Variants in FNBP1 observed in about 807,000 individuals in gnomAD.
FNBP1 encodes formin-binding protein 1.
A neutral mutation model predicts 90.6 loss-of-function variants in FNBP1; 26 were observed. The ratio of observed to expected loss-of-function variants is 0.29; its 90% CI spans 0.21 to 0.40. The LOEUF (loss-of-function observed/expected upper bound fraction) is 0.40. Ranked by LOEUF, FNBP1 falls within the 10% of genes least tolerant of loss-of-function variation. FNBP1 has a pLI of 1.00. For missense variants in FNBP1, 635 were observed against 768.0 expected (o/e 0.83, Z 2.05); for synonymous variants, 260 against 265.2 (o/e 0.98, Z 0.19).
intron 11 of FNBP1, among the ~76,000 whole-genome samples, chr9:129,911,492 T>G (rs1351747898): frequency 6.6e-6 from 1 of 152,180 alleles, no homozygotes; most frequent in Non-Finnish European, 1.5e-5. Flanking sequence ...TGAAGTCTCA[T>G]AAAAGGCCCA....
At chr9:129,940,988 A>G (rs1424030731) in intron 6 of FNBP1, among the ~76,000 whole-genome samples, 1 of 152,198 alleles carries the variant, frequency 6.6e-6, no homozygotes, top group African/African-American at 2.4e-5. Flanking sequence ...TAAAAATAAA[A>G]AGTCTGTGCT....
chr9:130,049,869 G>A, the FNBP1 span, among the ~76,000 whole-genome samples: 3 of 151,790 alleles, frequency 2.0e-5, no homozygotes, highest in African/African-American at 7.3e-5. Context: ...CTTTTTTTGT[G>A]TGTGTTTTGT....
At chr9:129,943,336 T>G (rs2044625218) in intron 6 of FNBP1, among the ~76,000 whole-genome samples, 1 of 152,008 alleles carries the variant, frequency 6.6e-6, no homozygotes, top group South Asian at 2.1e-4. Flanking sequence ...TTTTTATAAT[T>G]TTTTTTCCTT....
intron 1 of FNBP1, among the ~76,000 whole-genome samples, chr9:130,037,448 A>G (rs2059419651): frequency 6.6e-6 from 1 of 152,190 alleles, no homozygotes; most frequent in African/African-American, 2.4e-5. Flanking sequence ...AGAAGAGGTA[A>G]TAATTATCCA....
rs570793659 is a variant in FNBP1 at position 129,916,045 on chromosome 9, AAAC to A, written c.1171-68_1171-66del. On this transcript the variant is annotated intron_variant, in intron 10 of 16. Coordinates refer to ENST00000446176, the MANE Select transcript of FNBP1 (RefSeq NM_015033.3). ...GAAAGAGAGAGAGAAAGAGAAAAAA[AAAC>A]AACAACACATCAGAAGAAGAGGAAC... is the stretch of plus-strand genomic sequence containing the variant. 8.1e-5 allele frequency: 95 copies of A among 1,175,830 alleles called. 1 individual carries two copies. In the African/African-American group the frequency reaches 8.8e-4, roughly 11 times the overall value. The allele number at this position is 1,175,830 out of a possible 1,614,324, so 72.8% of individuals were successfully genotyped here.
At chr9:129,906,774 C>T (rs1276664088) in intron 12 of FNBP1, among the ~76,000 whole-genome samples, 1 of 152,012 alleles carries the variant, frequency 6.6e-6, no homozygotes, top group Non-Finnish European at 1.5e-5. Flanking sequence ...GTCTTCTATA[C>T]TAACTTTGAG....
chr9:129,916,914 A>G (rs1462938736), intron 10 of FNBP1, among the ~76,000 whole-genome samples: 1 of 152,054 alleles, frequency 6.6e-6, no homozygotes, highest in Non-Finnish European at 1.5e-5. Context: ...CCCACCCGAG[A>G]AGTGTGTGCC....
intron 2 of FNBP1, among the ~76,000 whole-genome samples, chr9:129,982,449 C>T (rs2051411836): frequency 1.3e-5 from 2 of 151,260 alleles, no homozygotes; most frequent in African/African-American, 2.4e-5. Flanking sequence ...CCAGCCTGGG[C>T]AACAGAGCGA....
intron 1 of FNBP1, among the ~76,000 whole-genome samples, chr9:130,033,832 C>A: frequency 8.0e-6 from 1 of 124,984 alleles, no homozygotes; most frequent in African/African-American, 3.1e-5. Context: ...GTAACCCCGC[C>A]TCTACTAAAA....
chr9:129,926,431 T>G (rs1353544135), intron 8 of FNBP1, among the ~76,000 whole-genome samples: 1 of 152,168 alleles, frequency 6.6e-6, no homozygotes, highest in Non-Finnish European at 1.5e-5. Context: ...GCTTTTGCCC[T>G]CCCAGAGGAC....
chr9:129,998,927 AC>A (rs2054420596), intron 1 of FNBP1, among the ~76,000 whole-genome samples: 7 of 152,108 alleles, frequency 4.6e-5, no homozygotes, highest in Admixed American at 4.6e-4. Context: ...AATAATAAAA[AC>A]CTTACTCAGT....
rs1348861096 is a variant in FNBP1, at chr9:130,031,047, T to C, written c.24+11905A>G. ...GGAACATGCCTCCCCCTTGAACATC[T>C]TGAAGTGGGAGGAGGCAGAGGGTGG... On this transcript the variant is annotated intron_variant, in intron 1 of 16. Transcript: ENST00000446176. The surrounding 1 kb of genome is among the most constrained non-coding windows in gnomAD (Gnocchi z 4.2). Among the ~76,000 whole-genome samples, 1 of 152,142 alleles carries C rather than the reference T, an allele frequency of 6.6e-6. No individual in the cohort carries two copies. Among genetic ancestry groups the C allele is most frequent in the Non-Finnish European group, 1.5e-5 (1 of 68,018 alleles).
At chr9:129,904,015 C>T (rs111607457) in intron 12 of FNBP1, among the ~76,000 whole-genome samples, 72 of 152,138 alleles carry the variant, frequency 4.7e-4, no homozygotes, top group African/African-American at 1.5e-3. Context: ...CCAGCCTGGG[C>T]GACAGAGCAA....
At chr9:129,987,386 A>G (rs147300529) in intron 2 of FNBP1, among the ~76,000 whole-genome samples, 28 of 152,084 alleles carry the variant, frequency 1.8e-4, no homozygotes, top group African/African-American at 6.5e-4. Flanking sequence ...CAGTCATATA[A>G]CTCAACTAGA....
intron 2 of FNBP1, among the ~76,000 whole-genome samples, chr9:129,985,619 A>C (rs1054559507): frequency 6.6e-6 from 1 of 151,938 alleles, no homozygotes; most frequent in African/African-American, 2.4e-5. Context: ...AGTTTGAGAC[A>C]AGCCTGGCCA....
intron 2 of FNBP1, among the ~76,000 whole-genome samples, chr9:129,988,468 G>A (rs1352439842): frequency 6.6e-6 from 1 of 152,068 alleles, no homozygotes; most frequent in East Asian, 1.9e-4. Flanking sequence ...CACAAGGTCA[G>A]GAGTCTAGGA....
chr9:130,012,403 CATT>C (rs1205753995), intron 1 of FNBP1, among the ~76,000 whole-genome samples: 5 of 152,082 alleles, frequency 3.3e-5, no homozygotes, highest in East Asian at 3.8e-4. Context: ...TCATCATCAT[CATT>C]GTCATCAACC....
At chr9:129,932,055 A>G (rs1235420605) in intron 6 of FNBP1, among the ~76,000 whole-genome samples, 1 of 151,868 alleles carries the variant, frequency 6.6e-6, no homozygotes, top group Admixed American at 6.6e-5. Context: ...TACTAAAAAT[A>G]CAAAAATTAG....
intron 6 of FNBP1, among the ~76,000 whole-genome samples, chr9:129,934,347 G>A (rs779912947): frequency 1.3e-5 from 2 of 152,158 alleles, no homozygotes; most frequent in African/African-American, 4.8e-5. Context: ...TACTTGCAAC[G>A]AGTCAGTGTC....
Sources: allele counts gnomAD v4.1 joint callset (sites outside exome capture counted in the v4.1 genomes callset), GRCh38; gene constraint gnomAD v4.1.1; non-coding constraint Gnocchi (gnomAD v3.1); transcripts MANE v1.5; gene names NCBI Gene and HGNC (gene_info 2026-07-23, HGNC 2026-07-21).